ZFHX2: variants seen among roughly 807,000 people sequenced by gnomAD.
ZFHX2 encodes zinc finger homeobox 2, also known as zinc finger homeobox protein 2.
A neutral mutation model predicts 164.8 loss-of-function variants in ZFHX2; 75 were observed. That is an observed-to-expected ratio of 0.46 (90% CI 0.38 to 0.55). The LOEUF (loss-of-function observed/expected upper bound fraction) is 0.55, where lower values mean the gene tolerates loss of function less well. ZFHX2 is among the 20% of genes least tolerant of loss of function. The pLI is 0.00. For missense variants in ZFHX2, 2,933 were observed against 3,308.0 expected, an observed-to-expected ratio of 0.89 and a Z score of 2.78; for synonymous variants, 1,217 against 1,351.4, an observed-to-expected ratio of 0.90 and a Z score of 2.18.
rs1878071390 is a variant in ZFHX2 at position 23,522,091 on chromosome 14, T to C, written c.7590A>G (p.Pro2530=). The C allele has an allele frequency of 3.3e-6, 5 of 1,535,904 alleles. No individual in the cohort carries two copies. Among genetic ancestry groups the C allele is most frequent in the Non-Finnish European group, 4.4e-6 (5 of 1,146,658 alleles). The stretch of plus-strand genomic sequence containing the variant: ...TGGCGGCGTTGGTGATGGAGATGGG[T>C]GGGCCCCCTTGAGGTGGGGCTGCCT... ...RRKAAPPQGG[P]PISITNAATA... Residue 2530 remains proline (P), a synonymous_variant, in exon 10 of 10, where the codon CCA becomes CCG. Coordinates refer to ENST00000419474, the MANE Select transcript of ZFHX2 (RefSeq NM_033400.3).
rs1198666166 is a variant in ZFHX2, at chr14:23,524,314, G to A, written c.5628C>T (p.Tyr1876=). 2.0e-6 allele frequency: 3 copies of A among 1,536,354 alleles called. No individual in the cohort carries two copies. Among genetic ancestry groups the A allele is most frequent in the South Asian group, 2.4e-5 (2 of 84,068 alleles). The change falls in exon 9 of 10, where the codon TAC becomes TAT. Residue 1876 remains tyrosine (Y), a synonymous_variant. Transcript: ENST00000419474. The surrounding 1 kb of genome is among the most constrained non-coding windows in gnomAD (Gnocchi z 5.6). ...TGCGTGTTGGGTTGGAATCCTGCAT[G>A]TACCAACGGTACAGGATCTCTAGCT... ...PEQLEILYRW[Y]MQDSNPTRKM...
At chr14:23,554,851 C>T (rs550158999), upstream of ZFHX2, among the ~76,000 whole-genome samples, 4 of 152,284 alleles carry the variant, frequency 2.6e-5, no homozygotes, top group African/African-American at 9.6e-5. Context: ...CCTCAGGGAG[C>T]TTCCTCACAT....
Position 23,534,379 on chromosome 14 carries a change from G to T in ZFHX2, c.947C>A (p.Ala316Glu), listed in dbSNP as rs878910259. The T allele has an allele frequency of 1.1e-5, 17 of 1,536,678 alleles. No homozygotes were observed. Among genetic ancestry groups the T allele is most frequent in the Non-Finnish European group, 1.5e-5 (17 of 1,147,028 alleles). Residue 316 changes from alanine (A) to glutamate (E), a missense_variant, in exon 2 of 10, where the codon GCG (alanine) becomes GAG (glutamate). Transcript: ENST00000419474. The surrounding 1 kb of genome is among the most constrained non-coding windows in gnomAD (Gnocchi z 4.5). ...GCCATCCTCTGTCTGGGCCACATTC[G>T]CCTCCATGTTCACTGTGCTGCTGTT... ...LDNSSTVNME[A>E]NVAQTEDGPP...
At chr14:23,544,693 A>C (rs1881194204) in intron 1 of ZFHX2, among the ~76,000 whole-genome samples, 1 of 152,178 alleles carries the variant, frequency 6.6e-6, no homozygotes, top group Non-Finnish European at 1.5e-5. Flanking sequence ...CCCAGCCCTA[A>C]TGAGTGTGAT....
chr14:23,527,647 A>C lies in ZFHX2; in HGVS notation c.3092T>G (p.Leu1031Arg). The C allele has an allele frequency of 6.5e-7, 1 of 1,536,464 alleles. No homozygotes were observed. ...RPALHFHLSHLHNVVPECVEK... is the reference protein window; with the variant it reads ...RPALHFHLSHRHNVVPECVEK... ...AACGCACTCGGGCACCACGTTGTGA[A>C]GGTGGCTAAGGTGGAAGTGCAGGGC... The change falls in exon 7 of 10, where the codon CTT becomes CGT. Residue 1031 changes from leucine (L) to arginine (R), a missense_variant. Physicochemically the swap from Leu to Arg is moderately radical, Grantham distance 102. Coordinates refer to ENST00000419474, the MANE Select transcript of ZFHX2 (RefSeq NM_033400.3).
upstream of ZFHX2, among the ~76,000 whole-genome samples, chr14:23,552,794 G>A (rs1006238398): frequency 6.6e-6 from 1 of 151,800 alleles, no homozygotes; most frequent in Admixed American, 6.6e-5. Flanking sequence ...AGAGACGGGG[G>A]TTTCACCATC....
At position 23,525,385 on chromosome 14, in the gene ZFHX2, A is replaced by G; in HGVS notation, c.4557T>C (p.Phe1519=). ...FEALSRYAAQ[F]RKSYDSLYPP... The stretch of plus-strand genomic sequence containing the variant: ...GGTATAGGCTGTCATAGCTCTTTCG[A>G]AACTGAGCAGCATAACGGCTCAGGG... Residue 1519 remains phenylalanine (F), a synonymous_variant, in exon 9 of 10, where the codon TTT becomes TTC. Transcript: ENST00000419474. This position sits in a 1 kb window ranked among gnomAD's most constrained non-coding sequence, Gnocchi z 5.9. The G allele has an allele frequency of 6.5e-7, 1 of 1,536,076 alleles. No individual in the cohort carries two copies. Among genetic ancestry groups the G allele is most frequent in the South Asian group, 1.2e-5 (1 of 84,058 alleles).
In ZFHX2 at chr14:23,525,846, G is replaced by C; in HGVS notation, c.4096C>G (p.Pro1366Ala). The part of the protein sequence containing the change: ...LKLQQQQLLL[P>A]FYLHDLKVGP... ...ACCTTGAGATCGTGGAGGTAGAAGG[G>C]CAGGAGCAGCTGCTGCTGCTGGAGC... The change falls in exon 9 of 10, where the codon CCC becomes GCC. Residue 1366 changes from proline to alanine, a missense_variant. Transcript: ENST00000419474. This position sits in a 1 kb window ranked among gnomAD's most constrained non-coding sequence, Gnocchi z 5.9. 1 of 1,457,130 alleles carries C rather than the reference G, an allele frequency of 6.9e-7. No individual in the cohort carries two copies. Among genetic ancestry groups the C allele is most frequent in the Non-Finnish European group, 9.0e-7 (1 of 1,110,040 alleles). 90.3% of individuals were successfully genotyped at this position (1,457,130 alleles called of 1,614,324 possible). A position where few individuals can be genotyped will look rare whatever the true frequency, so the allele number is the denominator to read the frequency against.
chr14:23,554,799 C>G (rs1882226030), upstream of ZFHX2, among the ~76,000 whole-genome samples: 1 of 152,130 alleles, frequency 6.6e-6, no homozygotes, highest in African/African-American at 2.4e-5. Context: ...TGGCACTTCT[C>G]ACCCATCATA....
chr14:23,522,072 C>G lies in ZFHX2; in HGVS notation c.7609G>C (p.Ala2537Pro), dbSNP rs1205118758. Residue 2537 changes from alanine to proline, a missense_variant, in exon 10 of 10, where the codon GCC (alanine) becomes CCC (proline). Physicochemically the swap from Ala to Pro is conservative, Grantham distance 27. Transcript: ENST00000419474. ...ACAGCAGCCGAGGCAGCAGTGGCGG[C>G]GTTGGTGATGGAGATGGGTGGGCCC... ...QGGPPISITN[A>P]ATAASAAVAF... is the part of the protein sequence containing the mutation. 6.5e-7 allele frequency: 1 copy of G among 1,536,268 alleles called. No individual in the cohort carries two copies. The highest frequency in any genetic ancestry group is 8.7e-7 in the Non-Finnish European group (1 of 1,146,832).
Position 23,521,756 on chromosome 14 carries a change from ATG to A in ZFHX2, c.*204_*205del, listed in dbSNP as rs1878021598. On this transcript the variant is annotated 3_prime_UTR_variant, in exon 10 of 10. Transcript: ENST00000419474. ...TGCAAGGAGCTGAGGAGGAGGATCA[ATG>A]TGTGTGTCTGTGGGGATTGGGAGGA... 9.4e-6 allele frequency: 8 copies of A among 851,600 alleles called. No homozygotes were observed. In the East Asian group the frequency reaches 1.7e-4, roughly 18 times the overall value. 52.8% of individuals were successfully genotyped at this position (851,600 alleles called of 1,614,324 possible). A position where few individuals can be genotyped will look rare whatever the true frequency, so the allele number is the denominator to read the frequency against.
Position 23,525,535 on chromosome 14 carries a change from G to T in ZFHX2, c.4407C>A (p.Pro1469=). The change falls in exon 9 of 10, where the codon CCC becomes CCA. Residue 1469 remains proline (P), a synonymous_variant. Coordinates refer to ENST00000419474, the MANE Select transcript of ZFHX2 (RefSeq NM_033400.3). The surrounding 1 kb of genome is among the most constrained non-coding windows in gnomAD (Gnocchi z 5.9). ...KQAVPPPPTP[P]PPEALGGGDK... The stretch of plus-strand genomic sequence containing the variant: ...CCCCACCCCCGAGGGCCTCAGGTGG[G>T]GGTGGGGTAGGGGGAGGGGGCACAG... 6.5e-7 allele frequency: 1 copy of T among 1,535,578 alleles called. No individual in the cohort carries two copies. Among genetic ancestry groups the T allele is most frequent in the Non-Finnish European group, 8.7e-7 (1 of 1,146,906 alleles).
Position 23,525,193 on chromosome 14 carries a change from G to A in ZFHX2, c.4749C>T (p.Ser1583=). The change falls in exon 9 of 10, where the codon TCC becomes TCT. Residue 1583 remains serine, a synonymous_variant. Transcript: ENST00000419474. This position sits in a 1 kb window ranked among gnomAD's most constrained non-coding sequence, Gnocchi z 5.9. The part of the protein sequence containing the change: ...GHWPIEEEES[S]RGNLPPLVPA... ...GCACCAGGGGAGGAAGATTCCCTCT[G>A]GAGCTTTCTTCCTCTTCTATGGGCC... 4 of 1,536,104 alleles carry A rather than the reference G, an allele frequency of 2.6e-6. No homozygotes were observed. Among genetic ancestry groups the A allele is most frequent in the Middle Eastern group, 3.3e-4 (2 of 5,988 alleles).
chr14:23,525,417 A>G lies in ZFHX2; in HGVS notation c.4525T>C (p.Phe1509Leu). 1 of 1,536,154 alleles carries G rather than the reference A, an allele frequency of 6.5e-7. No individual in the cohort carries two copies. The highest frequency in any genetic ancestry group is 8.7e-7 in the Non-Finnish European group (1 of 1,146,916). ...GCAGCATAACGGCTCAGGGCTTCAA[A>G]GGGCAGAAAGCGGCGGTGGACATGT... Reference protein sequence around the residue: ...EEHVHRRFLPFEALSRYAAQF... With the variant: ...EEHVHRRFLPLEALSRYAAQF... The change falls in exon 9 of 10, where the codon TTT (phenylalanine) becomes CTT (leucine). Residue 1509 changes from phenylalanine to leucine, a missense_variant. Phe to Leu is a conservative substitution (Grantham distance 22). Transcript: ENST00000419474. The surrounding 1 kb of genome is among the most constrained non-coding windows in gnomAD (Gnocchi z 5.9).
In ZFHX2 at chr14:23,530,908, T is replaced by C. The variant is rs12432723; in HGVS notation, c.2800+573A>G. 2,681 of 207,984 alleles carry C rather than the reference T, an allele frequency of 0.013. 216 individuals carry two copies. The Admixed American group carries it at 0.13, about 10-fold the overall frequency. 12.9% of individuals were successfully genotyped at this position (207,984 alleles called of 1,614,324 possible). On this transcript the variant is annotated intron_variant, in intron 4 of 9. Coordinates refer to ENST00000419474, the MANE Select transcript of ZFHX2 (RefSeq NM_033400.3). ...CCTCTGGCAGCCCCTTGCAGGCTCT[T>C]CTCCTGTACCCTCTGGATCAATGGT... is the stretch of plus-strand genomic sequence containing the variant.
intron 6 of ZFHX2, chr14:23,528,766 C>G (rs528783967): frequency 6.1e-6 from 6 of 985,398 alleles, no homozygotes; most frequent in Non-Finnish European, 7.2e-6. Context: ...AAATTCTGGC[C>G]CAGCCCTCTC....
intron 1 of ZFHX2, among the ~76,000 whole-genome samples, chr14:23,538,771 G>C (rs1214457989): frequency 6.6e-6 from 1 of 152,122 alleles, no homozygotes; most frequent in African/African-American, 2.4e-5. Context: ...GGAGGTTGGG[G>C]ACGGTCAGGG....
intron 1 of ZFHX2, chr14:23,548,481 C>T (rs1881619947): frequency 6.6e-6 from 1 of 152,204 alleles, no homozygotes; most frequent in African/African-American, 2.4e-5. Flanking sequence ...CCAGCTGCCT[C>T]TGACATCATG....
upstream of ZFHX2, among the ~76,000 whole-genome samples, chr14:23,551,991 C>T (rs941663338): frequency 2.6e-5 from 4 of 152,210 alleles, no homozygotes; most frequent in African/African-American, 9.6e-5. The surrounding 1 kb of genome is among the most constrained non-coding windows in gnomAD (Gnocchi z 5.3). Flanking sequence ...TCCTCTTCAT[C>T]CTGTGGCCTG....
Sources: gnomAD v4.1 joint callset for allele counts (sites outside exome capture counted in the v4.1 genomes callset) on GRCh38, gnomAD v4.1.1 for gene constraint, Gnocchi (gnomAD v3.1) non-coding constraint, MANE v1.5 for transcripts, NCBI Gene and HGNC (gene_info 2026-07-23, HGNC 2026-07-21) for gene names.